The following ST8SIA6 variants were observed in gnomAD, a reference collection of about 807,000 sequenced individuals.
The protein encoded by ST8SIA6 is alpha-2,8-sialyltransferase 8F.
Under a neutral mutation model 33.6 loss-of-function variants are expected in ST8SIA6, and 39 were observed. The ratio of observed to expected loss-of-function variants is 1.16; its 90% CI spans 0.90 to 1.52. The LOEUF is 1.52. ST8SIA6 is among the 40% of genes most tolerant of loss of function. The pLI, the probability that ST8SIA6 is intolerant of heterozygous loss-of-function variation, is 0.00. For missense variants in ST8SIA6, 441 were observed against 443.8 expected (o/e 0.99, Z 0.06); for synonymous variants, 172 against 167.2 (o/e 1.03, Z -0.22).
In ST8SIA6 at chr10:17,453,557, A is replaced by C. The variant is rs981283460; in HGVS notation, c.200+2T>G. 56 of 1,322,630 alleles carry C rather than the reference A, an allele frequency of 4.2e-5. No individual in the cohort carries two copies. The highest frequency in any genetic ancestry group is 5.3e-5 in the Non-Finnish European group (54 of 1,028,464). The allele number at this position is 1,322,630 out of a possible 1,614,324, so 81.9% of individuals were successfully genotyped here. On this transcript the variant is annotated splice_donor_variant, in intron 2 of 7. Transcript: ENST00000377602. LOFTEE classifies it high-confidence loss of function. ...GTCCGCCCGCGCTGGGCGCCGCTGT[A>C]CCTGTTAGTGGCGCGCGGTACCGCG... is the stretch of plus-strand genomic sequence containing the variant.
At chr10:17,381,673 C>T (rs183986952) in intron 3 of ST8SIA6, among the ~76,000 whole-genome samples, 14 of 152,278 alleles carry the variant, frequency 9.2e-5, no homozygotes, top group Admixed American at 7.2e-4. Flanking sequence ...CTTATCCTTG[C>T]CAAATACTAT....
chr10:17,427,137 G>A lies in ST8SIA6; in HGVS notation c.200+26422C>T, dbSNP rs551217065. Among the ~76,000 whole-genome samples the A allele has an allele frequency of 2.6e-5, 4 of 152,230 alleles. No homozygotes were observed. The South Asian group carries it at 6.2e-4, about 24-fold the overall frequency. ...AAAAAAAGTTCTGTGCATGAAAGGGGGAAAGGGGGATAAAGAAAAAACAGA... is the reference window on the plus strand; with the variant it reads ...AAAAAAAGTTCTGTGCATGAAAGGGAGAAAGGGGGATAAAGAAAAAACAGA... On this transcript the variant is annotated intron_variant, in intron 2 of 7. Coordinates refer to ENST00000377602, the MANE Select transcript of ST8SIA6 (RefSeq NM_001004470.3).
intron 4 of ST8SIA6, among the ~76,000 whole-genome samples, chr10:17,333,989 G>A (rs1848419472): frequency 6.7e-6 from 1 of 149,022 alleles, no homozygotes; most frequent in African/African-American, 2.5e-5. Context: ...CCAAAGTGCT[G>A]GGATTACAGG....
chr10:17,453,734 CT>C, intron 1 of ST8SIA6, 77 bp from the exon 2 acceptor site: 1 of 1,148,650 alleles, frequency 8.7e-7, no homozygotes, highest in East Asian at 3.2e-5. Flanking sequence ...AGTCGCGCTC[CT>C]TGCCTGGCAG....
intron 3 of ST8SIA6, among the ~76,000 whole-genome samples, chr10:17,366,839 C>T: frequency 6.6e-6 from 1 of 152,098 alleles, no homozygotes. Flanking sequence ...TTCCATTCTC[C>T]TGCCAATGAC....
At chr10:17,337,371 C>T (rs1453942772) in intron 4 of ST8SIA6, among the ~76,000 whole-genome samples, 1 of 152,180 alleles carries the variant, frequency 6.6e-6, no homozygotes, top group Non-Finnish European at 1.5e-5. Context: ...GTTCTTTATT[C>T]CTGGAGTAGT....
In ST8SIA6 at chr10:17,340,212, G is replaced by A. The variant is rs117051355; in HGVS notation, c.378-8660C>T. 8.5e-4 allele frequency among the ~76,000 whole-genome samples: 129 copies of A among 152,068 alleles called. 2 individuals carry two copies. In the East Asian group the frequency reaches 0.022, roughly 26 times the overall value. ...CTTCGTCTCCTTGCCCCTAGTTTCC[G>A]TAAACAACCTTCCCACCAGTTCTCA... On this transcript the variant is annotated intron_variant, in intron 4 of 7. Transcript: ENST00000377602.
intron 3 of ST8SIA6, among the ~76,000 whole-genome samples, chr10:17,375,977 C>A (rs1849903961): frequency 6.6e-6 from 1 of 152,208 alleles, no homozygotes; most frequent in Non-Finnish European, 1.5e-5. Context: ...TGGCGGATTA[C>A]CACTGATTGG....
chr10:17,414,963 C>T (rs1851558626), intron 2 of ST8SIA6, among the ~76,000 whole-genome samples: 1 of 152,010 alleles, frequency 6.6e-6, no homozygotes, highest in Non-Finnish European at 1.5e-5. Context: ...TGTTCTGGCT[C>T]CTGCCCGTCT....
At chr10:17,362,943 C>T (rs1486696137) in intron 3 of ST8SIA6, among the ~76,000 whole-genome samples, 1 of 152,078 alleles carries the variant, frequency 6.6e-6, no homozygotes, top group Non-Finnish European at 1.5e-5. Context: ...AACTCCTGAC[C>T]TTGTGATCTA....
At chr10:17,379,126 C>CAAAAAAAAAAAAAAAAAAAAAAAAAAA (rs1279101422) in intron 3 of ST8SIA6, among the ~76,000 whole-genome samples, 1 of 101,554 alleles carries the variant, frequency 9.8e-6, no homozygotes. Flanking sequence ...GACTCTGTCT[C>CAAAAAAAAAAAAAAAAAAAAAAAAAAA]AAAAAAAAAA....
chr10:17,396,700 T>A (rs1279287236), intron 2 of ST8SIA6, among the ~76,000 whole-genome samples: 3 of 152,328 alleles, frequency 2.0e-5, no homozygotes, highest in African/African-American at 7.2e-5. Flanking sequence ...CACAGTCCTT[T>A]CCCAGCTCAA....
intron 2 of ST8SIA6, among the ~76,000 whole-genome samples, chr10:17,436,193 C>T (rs1420954686): frequency 1.3e-5 from 2 of 152,302 alleles, no homozygotes; most frequent in East Asian, 3.9e-4. Flanking sequence ...ATACATAACA[C>T]TTGTCTTACT....
chr10:17,430,569 T>C (rs1292994123), intron 2 of ST8SIA6, among the ~76,000 whole-genome samples: 1 of 152,150 alleles, frequency 6.6e-6, no homozygotes, highest in African/African-American at 2.4e-5. Flanking sequence ...TTTTTAATAA[T>C]GTCCATTTTT....
chr10:17,450,292 G>A (rs12249773), intron 2 of ST8SIA6, among the ~76,000 whole-genome samples: 2,228 of 152,286 alleles, frequency 0.015, 45 homozygotes, highest in African/African-American at 0.051. Context: ...AGATCTTATC[G>A]TTGGCTCTCA....
chr10:17,342,363 C>G (rs769658367), intron 4 of ST8SIA6, among the ~76,000 whole-genome samples: 1 of 152,172 alleles, frequency 6.6e-6, no homozygotes, highest in Non-Finnish European at 1.5e-5. Context: ...GGCACTTAAC[C>G]AGTCTGGGAG....
At chr10:17,377,704 T>C (rs965338192) in intron 3 of ST8SIA6, among the ~76,000 whole-genome samples, 3 of 152,226 alleles carry the variant, frequency 2.0e-5, no homozygotes, top group Non-Finnish European at 4.4e-5. Context: ...TCCCTCCCAC[T>C]ATAACTCCAT....
At chr10:17,438,028 C>A (rs533539176) in intron 2 of ST8SIA6, among the ~76,000 whole-genome samples, 1 of 152,140 alleles carries the variant, frequency 6.6e-6, no homozygotes, top group South Asian at 2.1e-4. Flanking sequence ...CATGCCTGGC[C>A]ATGCCCCCCT....
At chr10:17,418,953 A>T (rs1021197800) in intron 2 of ST8SIA6, among the ~76,000 whole-genome samples, 48 of 134,394 alleles carry the variant, frequency 3.6e-4, no homozygotes, top group Non-Finnish European at 6.2e-4. Flanking sequence ...AGATCGTGCC[A>T]CTGCCGTCCA....
Sources: allele counts gnomAD v4.1 joint callset (sites outside exome capture counted in the v4.1 genomes callset), GRCh38; gene constraint gnomAD v4.1.1; transcripts MANE v1.5; gene names NCBI Gene and HGNC (gene_info 2026-07-23, HGNC 2026-07-21).